DLL3: variants seen among roughly 807,000 people sequenced by gnomAD.
DLL3 encodes delta like canonical Notch ligand 3.
A neutral mutation model predicts 55.0 loss-of-function variants in DLL3; 49 were observed. The observed-to-expected ratio is 0.89, with a 90% CI of 0.71 to 1.13. The LOEUF (loss-of-function observed/expected upper bound fraction) is 1.13, where lower values mean the gene tolerates loss of function less well. DLL3 is among the 50% of genes most tolerant of loss of function. DLL3 has a pLI of 0.00. For missense variants in DLL3, 962 were observed against 875.5 expected (o/e 1.10, Z -1.25); for synonymous variants, 421 against 385.2 (o/e 1.09, Z -1.09).
Position 39,504,170 on chromosome 19 carries a change from C to G in DLL3, c.752C>G (p.Pro251Arg), listed in dbSNP as rs867150466. The G allele has an allele frequency of 1.2e-6, 2 of 1,612,504 alleles. No individual in the cohort carries two copies. The highest frequency in any genetic ancestry group is 1.7e-6 in the Non-Finnish European group (2 of 1,180,026). ...EGWTGPLCTV[P>R]VSTSSCLSPR... ...TGGACTGGACCCCTCTGCACGGTCC[C>G]TGTCTCCACCAGCAGCTGCCTCAGC... Residue 251 changes from proline to arginine, a missense_variant, in exon 5 of 9, where the codon CCT becomes CGT. Pro to Arg is a moderately radical substitution (Grantham distance 103). Transcript: ENST00000356433.
At chr19:39,502,015 C>T (rs2079611978) in intron 3 of DLL3, among the ~76,000 whole-genome samples, 1 of 151,850 alleles carries the variant, frequency 6.6e-6, no homozygotes, top group Non-Finnish European at 1.5e-5. Context: ...GAAACCCTGT[C>T]TCTACTAAAA....
chr19:39,500,432 C>CCCCA (rs879663840), intron 2 of DLL3, among the ~76,000 whole-genome samples, 183 bp from the exon 3 acceptor site: 1 of 121,946 alleles, frequency 8.2e-6, no homozygotes, highest in African/African-American at 3.3e-5. Context: ...CCCCCCCCCC[C>CCCCA]AAAAAAAAGC....
chr19:39,505,195 A>G, intron 5 of DLL3, 34 bp from the exon 6 acceptor site: 1 of 1,607,926 alleles, frequency 6.2e-7, no homozygotes, highest in Non-Finnish European at 8.5e-7. Flanking sequence ...TCTCCAAGGA[A>G]ACACCCTTCT....
Position 39,508,291 on chromosome 19 carries a change from G to A in DLL3, c.*34G>A. 1 of 1,613,386 alleles carries A rather than the reference G, an allele frequency of 6.2e-7. No individual in the cohort carries two copies. Among genetic ancestry groups the A allele is most frequent in the Non-Finnish European group, 8.5e-7 (1 of 1,179,538 alleles). On this transcript the variant is annotated 3_prime_UTR_variant, in exon 9 of 9. Transcript: ENST00000356433. ...CTCCATCCGCACCTGGAGTCAGAGC[G>A]TGGATTTTTGTATTTGCTCGGTGGT...
In DLL3 at chr19:39,508,235, A is replaced by G. The variant is rs1463730460; in HGVS notation, c.1759-17A>G. The G allele has an allele frequency of 4.3e-6, 7 of 1,612,946 alleles. No homozygotes were observed. The highest frequency in any genetic ancestry group is 1.3e-5 in the African/African-American group (1 of 74,472). On this transcript the variant is annotated splice_polypyrimidine_tract_variant and intron_variant, in intron 8 of 8. Coordinates refer to ENST00000356433, the MANE Select transcript of DLL3 (RefSeq NM_203486.3). Reference sequence around the variant, plus strand: ...AGGGGCAGCCTCTCTAATGCTTCCTACTCATTTTGTTTCTAGGCCTGACGC... The same window carrying G: ...AGGGGCAGCCTCTCTAATGCTTCCTGCTCATTTTGTTTCTAGGCCTGACGC...
At chr19:39,505,487 T>C (rs1282510771) in intron 6 of DLL3, 36 bp downstream of exon 6, 6 of 1,610,236 alleles carry the variant, frequency 3.7e-6, no homozygotes, top group Non-Finnish European at 5.1e-6. Context: ...AGGGATGGGG[T>C]GGGGGTCCTG....
rs1600754312 is a variant in DLL3 at position 39,502,848 on chromosome 19, G to A, written c.443G>A (p.Gly148Asp). 4 of 1,415,242 alleles carry A rather than the reference G, an allele frequency of 2.8e-6. No homozygotes were observed. Among genetic ancestry groups the A allele is most frequent in the Admixed American group, 3.0e-5 (1 of 33,656 alleles). The allele number at this position is 1,415,242 out of a possible 1,614,324, so 87.7% of individuals were successfully genotyped here. A position where few individuals can be genotyped will look rare whatever the true frequency, so the allele number is the denominator to read the frequency against. ...PAWSLLARVAGRRRLAAGGPW... is the reference protein window; with the variant it reads ...PAWSLLARVADRRRLAAGGPW... ...TGGAGCCTGCTGGCGCGCGTGGCTG[G>A]CAGGCGGCGCTTGGCAGCCGGAGGC... Residue 148 changes from glycine to aspartate, a missense_variant, in exon 4 of 9, where the codon GGC becomes GAC. Physicochemically the swap from Gly to Asp is moderately conservative, Grantham distance 94. Transcript: ENST00000356433.
At chr19:39,506,734 A>AG (rs1395076075) in intron 6 of DLL3, among the ~76,000 whole-genome samples, 1 of 152,156 alleles carries the variant, frequency 6.6e-6, no homozygotes, top group African/African-American at 2.4e-5. Flanking sequence ...GGGGTATTCT[A>AG]GGCAGAGGAA....
At chr19:39,507,682 GC>G (rs760269195) in intron 7 of DLL3, 64 bp downstream of exon 7, 1 of 1,587,248 alleles carries the variant, frequency 6.3e-7, no homozygotes, top group Non-Finnish European at 8.6e-7. Context: ...TCTCCGTGGT[GC>G]AGTTGGCCCG....
In DLL3 at chr19:39,507,412, G is replaced by T. The variant is rs1051067959; in HGVS notation, c.1467G>T (p.Gln489His). The change falls in exon 7 of 9, where the codon CAG becomes CAT. Residue 489 changes from glutamine to histidine, a missense_variant. Transcript: ENST00000356433. Reference protein sequence around the residue: ...APPGLRPGDPQRYLLPPALGL... With the variant: ...APPGLRPGDPHRYLLPPALGL... ...CGGGCCTCAGGCCCGGGGACCCTCA[G>T]CGCTACCTTTTGCCTCCGGCTCTGG... The T allele has an allele frequency of 6.3e-7, 1 of 1,588,518 alleles. No homozygotes were observed.
In DLL3 at chr19:39,503,031, C is replaced by G; in HGVS notation, c.626C>G (p.Pro209Arg). 1.3e-6 allele frequency: 2 copies of G among 1,517,920 alleles called. No homozygotes were observed. Among genetic ancestry groups the G allele is most frequent in the Non-Finnish European group, 1.8e-6 (2 of 1,139,772 alleles). The allele number at this position is 1,517,920 out of a possible 1,614,324, so 94.0% of individuals were successfully genotyped here. A position where few individuals can be genotyped will look rare whatever the true frequency, so the allele number is the denominator to read the frequency against. ...GGTCCGGGACTGCGCCCCTGCGCAC[C>G]GCTCGAGGACGAATGTGAGGCGCCG... ...RCGPGLRPCA[P>R]LEDECEAPLV... Residue 209 changes from proline (P) to arginine (R), a missense_variant, in exon 4 of 9, where the codon CCG (proline) becomes CGG (arginine). By Grantham distance (103) the Pro-to-Arg change is moderately radical. Coordinates refer to ENST00000356433, the MANE Select transcript of DLL3 (RefSeq NM_203486.3).
At chr19:39,505,034 C>T (rs142185332) in intron 5 of DLL3, among the ~76,000 whole-genome samples, 195 bp from the exon 6 acceptor site, 21 of 152,162 alleles carry the variant, frequency 1.4e-4, no homozygotes, top group African/African-American at 4.6e-4. Context: ...AGAGCCTCCT[C>T]CCTCTGGGGT....
rs1433399880 is a variant in DLL3, at chr19:39,507,589, G to A, written c.1644G>A (p.Arg548=). ...HALPDALNNL[R]TQEGSGDGPS... ...TCCCGGATGCACTCAACAACCTAAG[G>A]ACGCAGGAGGGTTCCGGGGATGGTC... The change falls in exon 7 of 9, where the codon AGG becomes AGA. Residue 548 remains arginine, a synonymous_variant. Coordinates refer to ENST00000356433, the MANE Select transcript of DLL3 (RefSeq NM_203486.3). 1 of 1,609,258 alleles carries A rather than the reference G, an allele frequency of 6.2e-7. No homozygotes were observed. The highest frequency in any genetic ancestry group is 8.5e-7 in the Non-Finnish European group (1 of 1,178,386).
At chr19:39,500,858 T>C (rs2079605926) in intron 3 of DLL3, among the ~76,000 whole-genome samples, 186 bp downstream of exon 3, 1 of 147,092 alleles carries the variant, frequency 6.8e-6, no homozygotes, top group African/African-American at 2.5e-5. Context: ...GTAGCAGTGG[T>C]TCTGGTACCA....
chr19:39,506,804 C>A (rs2079643473), intron 6 of DLL3, among the ~76,000 whole-genome samples: 2 of 151,958 alleles, frequency 1.3e-5, no homozygotes, highest in African/African-American at 4.8e-5. Context: ...ATGATCGAAG[C>A]CGAAGGAAAA....
chr19:39,500,427 C>CA (rs1360507715), intron 2 of DLL3, among the ~76,000 whole-genome samples, 188 bp from the exon 3 acceptor site: 3 of 144,764 alleles, frequency 2.1e-5, no homozygotes, highest in African/African-American at 7.9e-5. Context: ...TTCTCCCCCC[C>CA]CCCCCAAAAA....
intron 5 of DLL3, 133 bp from the exon 6 acceptor site, chr19:39,505,096 C>T: frequency 1.2e-6 from 1 of 863,190 alleles, no homozygotes; most frequent in Non-Finnish European, 1.9e-6. Flanking sequence ...GTCGGGAGGA[C>T]CTCCCAGGGT....
At chr19:39,501,573 T>C (rs1015495443) in intron 3 of DLL3, among the ~76,000 whole-genome samples, 2 of 152,186 alleles carry the variant, frequency 1.3e-5, no homozygotes, top group Non-Finnish European at 2.9e-5. Flanking sequence ...CCACAGGCTT[T>C]GGCTTCCCAA....
intron 5 of DLL3, 119 bp from the exon 6 acceptor site, chr19:39,505,110 C>G: frequency 9.9e-7 from 1 of 1,008,742 alleles, no homozygotes; most frequent in East Asian, 2.5e-5. Flanking sequence ...CCAGGGTGGC[C>G]CCTGCATAGT....
Sources: gnomAD v4.1 joint callset for allele counts (sites outside exome capture counted in the v4.1 genomes callset) on GRCh38, gnomAD v4.1.1 for gene constraint, MANE v1.5 for transcripts, NCBI Gene and HGNC (gene_info 2026-07-23, HGNC 2026-07-21) for gene names.